The following MEF2A variants were observed in gnomAD, a reference collection of about 807,000 sequenced individuals.
MEF2A encodes the protein myocyte enhancer factor 2A, also known as myocyte-specific enhancer factor 2A.
In MEF2A, 28 loss-of-function variants were observed where a neutral mutation model predicts 55.8. The observed-to-expected ratio is 0.50, with a 90% CI of 0.37 to 0.69. The LOEUF (loss-of-function observed/expected upper bound fraction) is 0.69, where lower values mean the gene tolerates loss of function less well. Among genes scored for constraint, MEF2A ranks in the 30% least tolerant of loss-of-function variants. MEF2A has a pLI of 0.00. For synonymous variants in MEF2A, 239 were observed against 227.1 expected (o/e 1.05, Z -0.47); for missense variants, 528 against 626.2 (o/e 0.84, Z 1.67).
At chr15:99,616,580 T>G (rs1287095608) in intron 2 of MEF2A, among the ~76,000 whole-genome samples, 1 of 152,204 alleles carries the variant, frequency 6.6e-6, no homozygotes, top group Non-Finnish European at 1.5e-5. Flanking sequence ...TTAAGCATAG[T>G]ATTAACAGTG....
At chr15:99,584,471 T>C (rs905773973) in intron 1 of MEF2A, among the ~76,000 whole-genome samples, 24 of 152,188 alleles carry the variant, frequency 1.6e-4, no homozygotes, top group African/African-American at 5.3e-4. Context: ...ATAGGTTGTA[T>C]TTCCACACAA....
intron 2 of MEF2A, among the ~76,000 whole-genome samples, chr15:99,600,573 AT>A (rs752328679): frequency 1.6e-4 from 25 of 152,104 alleles, no homozygotes; most frequent in Non-Finnish European, 3.2e-4. Context: ...TTTTGAATTA[AT>A]TTTTGTATAT....
intron 7 of MEF2A, among the ~76,000 whole-genome samples, chr15:99,688,405 T>C (rs901296824): frequency 5.9e-5 from 9 of 152,198 alleles, no homozygotes; most frequent in Admixed American, 2.6e-4. Context: ...TGTTTGCTGT[T>C]CTCCTTTTTG....
At chr15:99,573,825 C>T (rs182625545) in intron 1 of MEF2A, among the ~76,000 whole-genome samples, 3 of 152,182 alleles carry the variant, frequency 2.0e-5, no homozygotes, top group African/African-American at 7.2e-5. Context: ...AGCTGACTTA[C>T]AAATAGGCTT....
Position 99,571,744 on chromosome 15 carries a change from C to T in MEF2A, c.-225+5640C>T, listed in dbSNP as rs143307579. Among the ~76,000 whole-genome samples the T allele has an allele frequency of 3.0e-3, 460 of 152,190 alleles. 4 individuals are homozygous for T. Among genetic ancestry groups the T allele is most frequent in the African/African-American group, 0.01 (431 of 41,524 alleles). On this transcript the variant is annotated intron_variant, in intron 1 of 11. Coordinates refer to ENST00000557942, the MANE Select transcript of MEF2A (RefSeq NM_001319206.4). ...CCTCTTCCCCCAACCTTCTTCCTACCCCTAAACCCTGGTGTCTCTGCTGGC... is the reference window on the plus strand; with the variant it reads ...CCTCTTCCCCCAACCTTCTTCCTACTCCTAAACCCTGGTGTCTCTGCTGGC...
intron 7 of MEF2A, among the ~76,000 whole-genome samples, chr15:99,688,780 A>T (rs1423417224): frequency 1.3e-5 from 2 of 152,148 alleles, no homozygotes; most frequent in African/African-American, 2.4e-5. Context: ...TAAATAAATA[A>T]AAATAAAATG....
intron 5 of MEF2A, 39 bp downstream of exon 5, chr15:99,671,493 A>G (rs775965422): frequency 6.2e-7 from 1 of 1,613,824 alleles, no homozygotes; most frequent in Admixed American, 1.7e-5. Context: ...TTATTTGTTG[A>G]TCCTTTTTGT....
chr15:99,587,392 C>CT, intron 1 of MEF2A, among the ~76,000 whole-genome samples: 1 of 152,142 alleles, frequency 6.6e-6, no homozygotes, highest in East Asian at 1.9e-4. Flanking sequence ...TGAACTCATC[C>CT]TTTTTTTATG....
At chr15:99,686,800 C>T (rs981312752) in intron 7 of MEF2A, among the ~76,000 whole-genome samples, 4 of 152,174 alleles carry the variant, frequency 2.6e-5, no homozygotes, top group Non-Finnish European at 4.4e-5. Context: ...ATTATTTTCT[C>T]AAATATGTTT....
At chr15:99,686,388 T>C (rs1032737609) in intron 7 of MEF2A, among the ~76,000 whole-genome samples, 1 of 152,224 alleles carries the variant, frequency 6.6e-6, no homozygotes, top group Non-Finnish European at 1.5e-5. Context: ...GAACTCCTTT[T>C]AGCATTTCTT....
rs149123924 is a variant in MEF2A at position 99,640,754 on chromosome 15, G to T, written c.55-4807G>T. The stretch of plus-strand genomic sequence containing the variant: ...TGCAGAGGTGAGGTCTCACCATGTT[G>T]CCCAGACTGGTCTTGAACTCCTGAG... On this transcript the variant is annotated intron_variant, in intron 3 of 11. Coordinates refer to ENST00000557942, the MANE Select transcript of MEF2A (RefSeq NM_001319206.4). Among the ~76,000 whole-genome samples the T allele has an allele frequency of 4.3e-3, 658 of 151,952 alleles. 4 individuals are homozygous for T. The highest frequency in any genetic ancestry group is 0.014 in the African/African-American group (599 of 41,418).
intron 7 of MEF2A, among the ~76,000 whole-genome samples, chr15:99,688,315 T>C (rs1358949978): frequency 6.6e-6 from 1 of 152,350 alleles, no homozygotes; most frequent in East Asian, 1.9e-4. Context: ...GTATAGGGGA[T>C]GTATTAACTT....
At chr15:99,602,653 GGTGTGTGTGTGT>G (rs773502316) in intron 2 of MEF2A, among the ~76,000 whole-genome samples, 477 of 44,846 alleles carry the variant, frequency 0.011, 4 homozygotes, top group Non-Finnish European at 0.015. Context: ...ACATTCCTGG[GGTGTGTGTGTGT>G]GTGTGTGTGT....
In MEF2A at chr15:99,603,543, T is replaced by TTGTGTGTGTGTGTGTGTGTGTG. The variant is rs1300288383; in HGVS notation, c.-143+5046_-143+5067dup. On this transcript the variant is annotated intron_variant, in intron 2 of 11. Coordinates refer to ENST00000557942, the MANE Select transcript of MEF2A (RefSeq NM_001319206.4). Reference sequence around the variant, plus strand: ...ATGCAGCCATCACACCTGGCTGATTTTGTGTGTGTGTGTGTGTGTGTGTGT... The same window carrying TTGTGTGTGTGTGTGTGTGTGTG: ...ATGCAGCCATCACACCTGGCTGATTTTGTGTGTGTGTGTGTGTGTGTGTGTGTGTGTGTGTGTGTGTGTGTGT... Among the ~76,000 whole-genome samples, 1,220 of 126,438 alleles carry TTGTGTGTGTGTGTGTGTGTGTG rather than the reference T, an allele frequency of 9.6e-3. 15 individuals are homozygous for TTGTGTGTGTGTGTGTGTGTGTG. Among genetic ancestry groups the TTGTGTGTGTGTGTGTGTGTGTG allele is most frequent in the African/African-American group, 0.011 (393 of 34,338 alleles). The allele number at this position is 126,438 out of a possible 152,430, so 82.9% of individuals were successfully genotyped here. A position where few individuals can be genotyped will look rare whatever the true frequency, so the allele number is the denominator to read the frequency against.
intron 1 of MEF2A, among the ~76,000 whole-genome samples, chr15:99,595,707 G>A (rs1019095993): frequency 2.0e-5 from 3 of 152,294 alleles, no homozygotes. Flanking sequence ...TTTACCCCCT[G>A]GGAGTGATGG....
chr15:99,567,997 G>T (rs1038481329), intron 1 of MEF2A, among the ~76,000 whole-genome samples: 5 of 152,122 alleles, frequency 3.3e-5, no homozygotes, highest in African/African-American at 9.7e-5. Flanking sequence ...GAAGAGTGTG[G>T]TTCCAGTAGC....
intron 1 of MEF2A, among the ~76,000 whole-genome samples, chr15:99,575,877 A>G (rs201276071): frequency 2.0e-4 from 30 of 152,178 alleles, no homozygotes; most frequent in African/African-American, 5.3e-4. Context: ...GTTGTTTTCT[A>G]TTACCTGCCA....
chr15:99,589,376 T>C (rs1292149724), intron 1 of MEF2A, among the ~76,000 whole-genome samples: 7 of 152,184 alleles, frequency 4.6e-5, no homozygotes, highest in South Asian at 2.1e-4. Flanking sequence ...GCATTTGTGG[T>C]GATGTCCTTT....
chr15:99,573,304 AAAAG>A (rs1226124397), intron 1 of MEF2A, among the ~76,000 whole-genome samples: 2 of 152,020 alleles, frequency 1.3e-5, no homozygotes, highest in Non-Finnish European at 2.9e-5. Flanking sequence ...AAAAAAAAAA[AAAAG>A]AAGTTGTCCT....
Sources: allele counts gnomAD v4.1 joint callset (sites outside exome capture counted in the v4.1 genomes callset), GRCh38; gene constraint gnomAD v4.1.1; transcripts MANE v1.5; gene names NCBI Gene and HGNC (gene_info 2026-07-23, HGNC 2026-07-21).